MAML3: variants seen among roughly 807,000 people sequenced by gnomAD.
MAML3 encodes mastermind-like protein 3.
A neutral mutation model predicts 101.9 loss-of-function variants in MAML3; 27 were observed. The observed-to-expected ratio is 0.27, with a 90% CI of 0.20 to 0.37. The LOEUF is 0.37. Ranked by LOEUF, MAML3 falls within the 10% of genes least tolerant of loss-of-function variation. The pLI is 1.00. For synonymous variants in MAML3, 501 were observed against 555.9 expected (o/e 0.90, Z 1.39); for missense variants, 1,316 against 1,444.9 (o/e 0.91, Z 1.45).
rs571695470 is a variant in MAML3 at position 140,072,822 on chromosome 4, C to T, written c.468+80038G>A. Among the ~76,000 whole-genome samples, 97 of 152,276 alleles carry T rather than the reference C, an allele frequency of 6.4e-4. 1 individual carries two copies. In the Middle Eastern group the frequency reaches 0.01, roughly 16 times the overall value. ...CCATGGACACCAAGGGACAGCTGTA[C>T]CTCACCAGTAGAAAAATATAAAAGG... On this transcript the variant is annotated intron_variant, in intron 1 of 4. Transcript: ENST00000509479.
intron 2 of MAML3, among the ~76,000 whole-genome samples, chr4:139,834,995 T>C (rs1341866844): frequency 2.0e-5 from 3 of 152,260 alleles, no homozygotes; most frequent in Non-Finnish European, 4.4e-5. Flanking sequence ...TGTACTAATA[T>C]GTTTCCTGTT....
intron 2 of MAML3, among the ~76,000 whole-genome samples, chr4:139,860,587 C>T (rs775338016): frequency 2.4e-4 from 36 of 152,298 alleles, no homozygotes; most frequent in Non-Finnish European, 4.1e-4. Context: ...CTTTGTCCAC[C>T]GTCCTGCACC....
At chr4:139,816,860 A>G (rs1730900527) in intron 2 of MAML3, among the ~76,000 whole-genome samples, 1 of 152,174 alleles carries the variant, frequency 6.6e-6, no homozygotes, top group Admixed American at 6.5e-5. Context: ...ATACAGGTTA[A>G]AGATACATAG....
At position 139,719,703 on chromosome 4, in the gene MAML3, C is replaced by T. The variant is rs952889453; in HGVS notation, c.3037G>A (p.Ala1013Thr). 4 of 1,613,610 alleles carry T rather than the reference C, an allele frequency of 2.5e-6. No homozygotes were observed. Among genetic ancestry groups the T allele is most frequent in the Non-Finnish European group, 2.5e-6 (3 of 1,179,786 alleles). Residue 1013 changes from alanine to threonine, a missense_variant, in exon 5 of 5, where the codon GCT becomes ACT. By Grantham distance (58) the Ala-to-Thr change is moderately conservative (BLOSUM62 0). Transcript: ENST00000509479. Reference sequence around the variant, plus strand: ...AGGGTCCTCACTGTGCCCGTGTTAGCATCCACGACTGACTGGCTCAGTCCC... The same window carrying T: ...AGGGTCCTCACTGTGCCCGTGTTAGTATCCACGACTGACTGGCTCAGTCCC... ...PQGLSQSVVDANTGTVRTLNP... is the reference protein window; with the variant it reads ...PQGLSQSVVDTNTGTVRTLNP...
intron 1 of MAML3, among the ~76,000 whole-genome samples, chr4:140,077,933 G>A (rs546005657): frequency 1.2e-3 from 188 of 152,084 alleles, no homozygotes; most frequent in African/African-American, 4.2e-3. Flanking sequence ...CAGGAGAATC[G>A]CTTGAACTCA....
intron 1 of MAML3, among the ~76,000 whole-genome samples, chr4:140,106,164 A>C (rs1373286102): frequency 3.3e-5 from 5 of 151,804 alleles, no homozygotes; most frequent in Admixed American, 6.6e-5. Context: ...CATCTAAAAC[A>C]ATCTGGGGAG....
chr4:139,765,090 T>C (rs1729833187), intron 2 of MAML3, among the ~76,000 whole-genome samples: 1 of 152,222 alleles, frequency 6.6e-6, no homozygotes, highest in Non-Finnish European at 1.5e-5. Context: ...TACCTTATCT[T>C]AGGCAGCCCC....
chr4:140,106,882 T>C (rs922228206), intron 1 of MAML3, among the ~76,000 whole-genome samples: 2 of 152,300 alleles, frequency 1.3e-5, no homozygotes, highest in African/African-American at 4.8e-5. Context: ...GTTTGTTTGT[T>C]TTTTTGAGAT....
intron 2 of MAML3, among the ~76,000 whole-genome samples, chr4:139,782,716 G>T (rs1174842363): frequency 6.6e-6 from 1 of 152,106 alleles, no homozygotes; most frequent in Non-Finnish European, 1.5e-5. Flanking sequence ...CCGAGGAGCT[G>T]GCCAGAGCTA....
At chr4:139,873,672 G>GCAGCACCACA (rs1417497997) in intron 2 of MAML3, among the ~76,000 whole-genome samples, 1 of 152,194 alleles carries the variant, frequency 6.6e-6, no homozygotes, top group African/African-American at 2.4e-5. Context: ...AAGCAGCCCT[G>GCAGCACCACA]TGGGGAGGTC....
intron 2 of MAML3, among the ~76,000 whole-genome samples, chr4:139,798,482 C>T (rs745531892): frequency 8.5e-5 from 13 of 152,172 alleles, no homozygotes; most frequent in Non-Finnish European, 1.9e-4. Context: ...GGACAGGTAC[C>T]ACACTGGCCC....
intron 1 of MAML3, among the ~76,000 whole-genome samples, chr4:139,962,090 T>A (rs1734026978): frequency 6.6e-6 from 1 of 151,312 alleles, no homozygotes; most frequent in Admixed American, 6.6e-5. Context: ...GCCACCGCAT[T>A]CCAGCCTGGG....
chr4:139,760,517 T>C (rs1396740587), intron 2 of MAML3, among the ~76,000 whole-genome samples: 2 of 152,184 alleles, frequency 1.3e-5, no homozygotes, highest in Non-Finnish European at 2.9e-5. Context: ...GCCTGGCTCA[T>C]GGGCACAGGA....
intron 1 of MAML3, among the ~76,000 whole-genome samples, chr4:139,988,866 G>A (rs72712561): frequency 0.17 from 25,250 of 152,090 alleles, 2,243 homozygotes; most frequent in South Asian, 0.27. Flanking sequence ...TGAGAAGGAC[G>A]TGTCCTTATC....
intron 2 of MAML3, among the ~76,000 whole-genome samples, chr4:139,771,153 T>C (rs1200909533): frequency 6.6e-6 from 1 of 152,202 alleles, no homozygotes; most frequent in Non-Finnish European, 1.5e-5. Context: ...ATGGCAGTGA[T>C]GTATTACGCT....
At chr4:139,744,095 AC>A (rs1729243022) in intron 2 of MAML3, among the ~76,000 whole-genome samples, 1 of 152,118 alleles carries the variant, frequency 6.6e-6, no homozygotes, top group South Asian at 2.1e-4. Context: ...ATGCACAAAC[AC>A]CTTGGGTAGG....
intron 2 of MAML3, among the ~76,000 whole-genome samples, chr4:139,772,053 C>T (rs963806665): frequency 2.0e-5 from 3 of 151,048 alleles, no homozygotes; most frequent in Non-Finnish European, 4.4e-5. Context: ...TCCTGGCTAA[C>T]ACGGTGAAAC....
chr4:139,906,935 T>G (rs1732833067), intron 1 of MAML3, among the ~76,000 whole-genome samples: 1 of 152,092 alleles, frequency 6.6e-6, no homozygotes, highest in African/African-American at 2.4e-5. Flanking sequence ...CATGTGAATG[T>G]GAAAGAAAGG....
chr4:139,719,993 C>T lies in MAML3; in HGVS notation c.2747G>A (p.Gly916Asp). 9 of 1,614,078 alleles carry T rather than the reference C, an allele frequency of 5.6e-6. No individual in the cohort carries two copies. The highest frequency in any genetic ancestry group is 7.6e-6 in the Non-Finnish European group (9 of 1,179,896). Residue 916 changes from glycine (G) to aspartate (D), a missense_variant, in exon 5 of 5, where the codon GGT (glycine) becomes GAT (aspartate). Transcript: ENST00000509479. ...GGCTGAGTTCACCAGCATGCTCTGA[C>T]CAAAGCCACTCACCATTCCAACCCC... is the stretch of plus-strand genomic sequence containing the variant. Reference protein sequence around the residue: ...GQGVGMVSGFGQSMLVNSAIT... With the variant: ...GQGVGMVSGFDQSMLVNSAIT...
Sources: allele counts gnomAD v4.1 joint callset (sites outside exome capture counted in the v4.1 genomes callset), GRCh38; gene constraint gnomAD v4.1.1; transcripts MANE v1.5; gene names NCBI Gene and HGNC (gene_info 2026-07-23, HGNC 2026-07-21).